Variants in ADAMTS9 observed in about 807,000 individuals in gnomAD.
The protein encoded by ADAMTS9 is ADAM metallopeptidase with thrombospondin type 1 motif 9, also known as A disintegrin and metalloproteinase with thrombospondin motifs 9.
ADAMTS9 carries 107 observed loss-of-function variants against 257.1 expected under a neutral mutation model. That is an observed-to-expected ratio of 0.42 (90% confidence interval 0.36 to 0.49). The LOEUF (loss-of-function observed/expected upper bound fraction) is 0.49. Ranked by LOEUF, ADAMTS9 falls within the 20% of genes least tolerant of loss-of-function variation. ADAMTS9 has a pLI of 0.03. For synonymous variants in ADAMTS9, 982 were observed against 880.9 expected (o/e 1.11, Z -2.03); for missense variants, 2,353 against 2,469.1 (o/e 0.95, Z 1.00).
At chr3:64,521,546 C>A (rs752320906) in intron 39 of ADAMTS9, 2 of 152,058 alleles carry the variant, frequency 1.3e-5, no homozygotes, top group African/African-American at 2.4e-5. Flanking sequence ...ACCTAGGTAC[C>A]GATTAATGGT....
intron 14 of ADAMTS9, 123 bp from the exon 15 acceptor site, chr3:64,632,048 G>T: frequency 1.3e-6 from 1 of 752,904 alleles, no homozygotes; most frequent in East Asian, 2.7e-5. Context: ...TTTAAAACTT[G>T]GAAAGGTTGA....
chr3:64,658,049 A>AT (rs1701125307), intron 4 of ADAMTS9, among the ~76,000 whole-genome samples: 1 of 152,156 alleles, frequency 6.6e-6, no homozygotes, highest in Non-Finnish European at 1.5e-5. Context: ...ATACTACTGA[A>AT]TATCCACAAC....
chr3:64,621,484 G>A (rs1037287227), intron 18 of ADAMTS9, among the ~76,000 whole-genome samples: 13 of 152,212 alleles, frequency 8.5e-5, no homozygotes, highest in African/African-American at 2.6e-4. Flanking sequence ...TAGGTAGGCC[G>A]GGCACAGTGG....
intron 28 of ADAMTS9, among the ~76,000 whole-genome samples, chr3:64,569,543 A>G (rs924051492): frequency 3.9e-5 from 6 of 152,238 alleles, no homozygotes; most frequent in Admixed American, 6.5e-5. Flanking sequence ...ATTTTGTTAA[A>G]TTACCAACAT....
chr3:64,640,017 T>C (rs1008581052), intron 12 of ADAMTS9, among the ~76,000 whole-genome samples: 5 of 152,136 alleles, frequency 3.3e-5, no homozygotes, highest in Non-Finnish European at 5.9e-5. Flanking sequence ...ATTCTATATG[T>C]TTGTGTCTGA....
At chr3:64,648,569 C>T (rs887118928) in intron 10 of ADAMTS9, among the ~76,000 whole-genome samples, 1 of 152,134 alleles carries the variant, frequency 6.6e-6, no homozygotes, top group East Asian at 1.9e-4. Flanking sequence ...GATTTTTTAT[C>T]TTTCCTAATT....
chr3:64,632,696 C>CA (rs1214024604), intron 14 of ADAMTS9, among the ~76,000 whole-genome samples: 4 of 152,098 alleles, frequency 2.6e-5, no homozygotes, highest in Non-Finnish European at 5.9e-5. Context: ...AGGAAAAACT[C>CA]AATGTGTTGC....
chr3:64,586,329 C>A (rs538933864), intron 28 of ADAMTS9, among the ~76,000 whole-genome samples: 1 of 152,008 alleles, frequency 6.6e-6, no homozygotes, highest in Non-Finnish European at 1.5e-5. Context: ...GGAGGAAACA[C>A]ATTGTGTGAC....
At chr3:64,590,498 C>T (rs1316706996) in intron 28 of ADAMTS9, among the ~76,000 whole-genome samples, 1 of 152,088 alleles carries the variant, frequency 6.6e-6, no homozygotes, top group Non-Finnish European at 1.5e-5. Context: ...GAAATCTGTA[C>T]TGCTCAAAAT....
rs753448050 is a variant in ADAMTS9, at chr3:64,639,293, G to GTTTTTTT, written c.1856+2548_1856+2554dup. Among the ~76,000 whole-genome samples the GTTTTTTT allele has an allele frequency of 7.0e-5, 4 of 56,952 alleles. 1 individual carries two copies. Among genetic ancestry groups the GTTTTTTT allele is most frequent in the African/African-American group, 2.6e-4 (3 of 11,324 alleles). The allele number at this position is 56,952 out of a possible 152,430, so 37.4% of individuals were successfully genotyped here. On this transcript the variant is annotated intron_variant, in intron 12 of 39. Coordinates refer to ENST00000498707, the MANE Select transcript of ADAMTS9 (RefSeq NM_182920.2). Reference sequence around the variant, plus strand: ...GTGCTGACACTCAACTAGGTGGATTGTTTTTTTTTTTTTTTTTTTAAAAAA... The same window carrying GTTTTTTT: ...GTGCTGACACTCAACTAGGTGGATTGTTTTTTTTTTTTTTTTTTTTTTTTTTAAAAAA...
At chr3:64,523,277 G>A (rs2082873553) in intron 38 of ADAMTS9, among the ~76,000 whole-genome samples, 1 of 152,100 alleles carries the variant, frequency 6.6e-6, no homozygotes, top group African/African-American at 2.4e-5. Flanking sequence ...GGTTTTCACT[G>A]GCTCTTAATG....
chr3:64,673,599 TGTA>T (rs1701546476), intron 3 of ADAMTS9, among the ~76,000 whole-genome samples: 1 of 152,336 alleles, frequency 6.6e-6, no homozygotes, highest in South Asian at 2.1e-4. Flanking sequence ...AACTGATGAT[TGTA>T]AAAAGGCATT....
At chr3:64,612,538 T>C (rs945769464) in intron 22 of ADAMTS9, among the ~76,000 whole-genome samples, 1 of 152,168 alleles carries the variant, frequency 6.6e-6, no homozygotes, top group African/African-American at 2.4e-5. Flanking sequence ...ACTTGTTGCA[T>C]GCATATTTGG....
chr3:64,525,279 G>GC, intron 38 of ADAMTS9, among the ~76,000 whole-genome samples: 1 of 152,104 alleles, frequency 6.6e-6, no homozygotes, highest in East Asian at 1.9e-4. Flanking sequence ...TTCCCCTTAT[G>GC]CTTTACCATG....
chr3:64,641,681 G>A (rs551174691), intron 12 of ADAMTS9, among the ~76,000 whole-genome samples, 167 bp downstream of exon 12: 9 of 152,116 alleles, frequency 5.9e-5, no homozygotes, highest in Middle Eastern at 3.4e-3. Flanking sequence ...ACAGGGGGAA[G>A]TGCCTGGGAA....
chr3:64,574,028 A>C (rs1237922510), intron 28 of ADAMTS9, among the ~76,000 whole-genome samples: 2 of 152,230 alleles, frequency 1.3e-5, no homozygotes, highest in Non-Finnish European at 2.9e-5. Context: ...TATGGAAATG[A>C]ATGAACATAT....
intron 28 of ADAMTS9, among the ~76,000 whole-genome samples, chr3:64,578,923 C>T (rs2083924664): frequency 6.6e-6 from 1 of 152,186 alleles, no homozygotes; most frequent in South Asian, 2.1e-4. Context: ...ATCTGAGTTA[C>T]TACAATGGTC....
intron 30 of ADAMTS9, among the ~76,000 whole-genome samples, chr3:64,556,751 T>TTCCC (rs2083341979): frequency 6.6e-6 from 1 of 151,250 alleles, no homozygotes; most frequent in East Asian, 1.9e-4. Context: ...CCTTCCTTCC[T>TTCCC]TCCTCCCTCC....
intron 3 of ADAMTS9, among the ~76,000 whole-genome samples, chr3:64,678,092 G>A (rs562643818): frequency 1.9e-4 from 29 of 152,236 alleles, no homozygotes; most frequent in Admixed American, 7.8e-4. Context: ...CCCATGATCT[G>A]GTAACTAAAG....
Sources: allele counts gnomAD v4.1 joint callset (sites outside exome capture counted in the v4.1 genomes callset), GRCh38; gene constraint gnomAD v4.1.1; transcripts MANE v1.5; gene names NCBI Gene and HGNC (gene_info 2026-07-23, HGNC 2026-07-21).